Variants in PTN observed in about 807,000 individuals in gnomAD.
The protein encoded by PTN is pleiotrophin, also known as heparin affin regulatory protein.
Under a neutral mutation model 24.1 loss-of-function variants are expected in PTN, and 18 were observed. The observed-to-expected ratio is 0.75, with a 90% confidence interval of 0.52 to 1.11. The LOEUF is 1.11. PTN is among the 50% of genes least tolerant of loss of function. PTN has a pLI of 0.00. For synonymous variants in PTN, 78 were observed against 68.6 expected (o/e 1.14, Z -0.67); for missense variants, 163 against 198.8 (o/e 0.82, Z 1.08).
chr7:137,294,232 A>C (rs1809684301), intron 1 of PTN, among the ~76,000 whole-genome samples: 1 of 152,070 alleles, frequency 6.6e-6, no homozygotes, highest in African/African-American at 2.4e-5. Flanking sequence ...TTCTAGCCAT[A>C]GCTCGGGTGT....
At chr7:137,336,981 T>C (rs1300868622) in intron 1 of PTN, among the ~76,000 whole-genome samples, 1 of 152,214 alleles carries the variant, frequency 6.6e-6, no homozygotes, top group Non-Finnish European at 1.5e-5. Context: ...AGAAGTGCAG[T>C]GGTTTATACC....
At chr7:137,248,758 T>C (rs529792540) in intron 4 of PTN, among the ~76,000 whole-genome samples, 6 of 152,248 alleles carry the variant, frequency 3.9e-5, no homozygotes, top group Admixed American at 3.9e-4. Flanking sequence ...ACTGCTGAGA[T>C]GGAAAAGATT....
chr7:137,317,289 A>G (rs1810088565), intron 1 of PTN, among the ~76,000 whole-genome samples: 1 of 152,192 alleles, frequency 6.6e-6, no homozygotes, highest in Non-Finnish European at 1.5e-5. Context: ...CTCGGTGCAG[A>G]AATCAGAATA....
chr7:137,268,235 C>T (rs1174022217), intron 1 of PTN, among the ~76,000 whole-genome samples: 3 of 152,078 alleles, frequency 2.0e-5, no homozygotes, highest in Non-Finnish European at 2.9e-5. Flanking sequence ...GGATCCGCGT[C>T]GCTCCGGCTG....
intron 1 of PTN, among the ~76,000 whole-genome samples, chr7:137,256,623 C>G (rs322318): frequency 2.6e-5 from 4 of 152,004 alleles, no homozygotes; most frequent in African/African-American, 9.7e-5. Flanking sequence ...TGCAATAAAC[C>G]TATGTGTGCC....
intron 4 of PTN, among the ~76,000 whole-genome samples, chr7:137,229,529 A>G (rs1808393127): frequency 6.6e-6 from 1 of 151,830 alleles, no homozygotes; most frequent in Non-Finnish European, 1.5e-5. Flanking sequence ...AGTAGGTTCC[A>G]AAGTCCATTA....
At chr7:137,331,036 A>T (rs1462854173) in intron 1 of PTN, among the ~76,000 whole-genome samples, 1 of 152,064 alleles carries the variant, frequency 6.6e-6, no homozygotes, top group Non-Finnish European at 1.5e-5. Context: ...TATCTATGGG[A>T]TTCTTGGATG....
chr7:137,282,239 G>A (rs9969157), intron 1 of PTN, among the ~76,000 whole-genome samples: 76,554 of 152,036 alleles, frequency 0.5, 20,975 homozygotes, highest in Non-Finnish European at 0.63. Context: ...TGTTTTTAGA[G>A]AAGCTATGTA....
At chr7:137,303,796 T>G (rs1163769379) in intron 1 of PTN, among the ~76,000 whole-genome samples, 1 of 151,992 alleles carries the variant, frequency 6.6e-6, no homozygotes. Flanking sequence ...AGACAACCGC[T>G]AAGAAACTAA....
At chr7:137,286,195 T>C (rs1171823781) in intron 1 of PTN, among the ~76,000 whole-genome samples, 2 of 152,178 alleles carry the variant, frequency 1.3e-5, no homozygotes, top group African/African-American at 4.8e-5. Flanking sequence ...TTAATTAAGA[T>C]AGATAAAGTC....
At chr7:137,312,496 A>G (rs1469359891) in intron 1 of PTN, among the ~76,000 whole-genome samples, 2 of 152,230 alleles carry the variant, frequency 1.3e-5, no homozygotes, top group African/African-American at 2.4e-5. Context: ...CATACTTGCA[A>G]TCTCCACAGG....
At chr7:137,334,944 C>T (rs552835283) in intron 1 of PTN, among the ~76,000 whole-genome samples, 2 of 146,706 alleles carry the variant, frequency 1.4e-5, no homozygotes, top group African/African-American at 2.5e-5. Context: ...ATCGCAAGGA[C>T]AAAAAACCAA....
chr7:137,284,401 T>C (rs1563212042), intron 1 of PTN, among the ~76,000 whole-genome samples: 1 of 152,172 alleles, frequency 6.6e-6, no homozygotes, highest in Non-Finnish European at 1.5e-5. Context: ...TCTAACTTTC[T>C]TTCCTTGGAA....
chr7:137,338,265 TTCCTGAAAAGGACA>T (rs1242800254), intron 1 of PTN, among the ~76,000 whole-genome samples: 1 of 152,198 alleles, frequency 6.6e-6, no homozygotes, highest in African/African-American at 2.4e-5. Context: ...GGTATAAATT[TTCCTGAAAAGGACA>T]TCTACAGGGA....
At chr7:137,307,022 G>A (rs1365921798) in intron 1 of PTN, among the ~76,000 whole-genome samples, 1 of 151,992 alleles carries the variant, frequency 6.6e-6, no homozygotes, top group Non-Finnish European at 1.5e-5. Context: ...TTTGAAAAGT[G>A]CCAATTTTCC....
chr7:137,306,622 C>A (rs892082483), intron 1 of PTN, among the ~76,000 whole-genome samples: 1 of 151,930 alleles, frequency 6.6e-6, no homozygotes, highest in African/African-American at 2.4e-5. Context: ...TTTGTAGAAA[C>A]AGAAAAATCT....
intron 1 of PTN, among the ~76,000 whole-genome samples, chr7:137,319,155 C>G (rs1774778732): frequency 6.6e-6 from 1 of 152,170 alleles, no homozygotes; most frequent in Non-Finnish European, 1.5e-5. Flanking sequence ...TCATTGCTCT[C>G]AAAGTGTTTG....
intron 4 of PTN, among the ~76,000 whole-genome samples, chr7:137,229,021 G>A (rs1424705580): frequency 1.3e-5 from 2 of 151,818 alleles, no homozygotes; most frequent in African/African-American, 4.8e-5. Flanking sequence ...GTGAGACACT[G>A]AGAAAGTTAC....
intron 4 of PTN, among the ~76,000 whole-genome samples, chr7:137,230,841 C>G (rs1383417565): frequency 1.3e-5 from 2 of 151,718 alleles, no homozygotes; most frequent in East Asian, 3.9e-4. Context: ...TTCACATTGC[C>G]CCTCTTTACT....
Sources: gnomAD v4.1 joint callset for allele counts (sites outside exome capture counted in the v4.1 genomes callset) on GRCh38, gnomAD v4.1.1 for gene constraint, MANE v1.5 for transcripts, NCBI Gene and HGNC (gene_info 2026-07-23, HGNC 2026-07-21) for gene names.